Variants in GPBP1 observed in about 807,000 individuals in gnomAD.
GPBP1 encodes vasculin.
Under a neutral mutation model 56.5 loss-of-function variants are expected in GPBP1, and 13 were observed. That is an observed-to-expected ratio of 0.23 (90% CI 0.15 to 0.37). The LOEUF is 0.37. Ranked by LOEUF, GPBP1 falls within the 10% of genes least tolerant of loss-of-function variation. The pLI is 1.00. For missense variants in GPBP1, 477 were observed against 572.3 expected (o/e 0.83, Z 1.70); for synonymous variants, 204 against 188.9 (o/e 1.08, Z -0.66).
chr5:57,179,701 G>A (rs1334207700), intron 2 of GPBP1, among the ~76,000 whole-genome samples: 2 of 152,058 alleles, frequency 1.3e-5, no homozygotes, highest in Non-Finnish European at 2.9e-5. Context: ...CGGTTCAAGC[G>A]ATTCTCCTGC....
intron 2 of GPBP1, among the ~76,000 whole-genome samples, chr5:57,194,387 T>A (rs1754658746): frequency 6.6e-6 from 1 of 152,128 alleles, no homozygotes; most frequent in Admixed American, 6.5e-5. Context: ...GTGTAAAAAA[T>A]ATATATATAT....
Position 57,175,915 on chromosome 5 carries a change from G to T in GPBP1, c.-543G>T. The stretch of plus-strand genomic sequence containing the variant: ...CATGTCACAATGGGACACTTTTTCT[G>T]AATGAAGAGATTGAAAGAATACAGA... On this transcript the variant is annotated 5_prime_UTR_variant, in exon 2 of 12. An upstream open reading frame in the 5' UTR gains an earlier in-frame stop. Transcript: ENST00000506184. The T allele has an allele frequency of 2.5e-6, 1 of 398,416 alleles. No homozygotes were observed. Among genetic ancestry groups the T allele is most frequent in the South Asian group, 1.3e-4 (1 of 7,820 alleles). The allele number at this position is 398,416 out of a possible 1,614,324, so 24.7% of individuals were successfully genotyped here.
intron 2 of GPBP1, among the ~76,000 whole-genome samples, chr5:57,202,601 T>A (rs904504384): frequency 8.6e-5 from 13 of 151,912 alleles, no homozygotes; most frequent in African/African-American, 1.9e-4. Context: ...ATTTTTTTTT[T>A]AAAAAGCTTA....
chr5:57,211,645 G>T (rs557339058), intron 2 of GPBP1, among the ~76,000 whole-genome samples: 25 of 152,102 alleles, frequency 1.6e-4, no homozygotes, highest in African/African-American at 5.8e-4. Context: ...GTGCAATGGC[G>T]CGATCTCTGC....
At position 57,258,635 on chromosome 5, in the gene GPBP1, G is replaced by A. The variant is rs772829074; in HGVS notation, c.1161-2545G>A. On this transcript the variant is annotated intron_variant, in intron 10 of 11. Coordinates refer to ENST00000506184, the MANE Select transcript of GPBP1 (RefSeq NM_022913.4). ...TAGGGGGGAAAGGGAAACACAGATT[G>A]TTTTTATTTTTTCTTATTTTTCTTT... is the stretch of plus-strand genomic sequence containing the variant. Among the ~76,000 whole-genome samples the A allele has an allele frequency of 3.9e-5, 6 of 152,084 alleles. 1 individual carries two copies. The highest frequency in any genetic ancestry group is 8.8e-5 in the Non-Finnish European group (6 of 67,982).
At chr5:57,231,824 ACTC>A (rs1289588002) in intron 5 of GPBP1, among the ~76,000 whole-genome samples, 44 of 152,036 alleles carry the variant, frequency 2.9e-4, no homozygotes, top group Admixed American at 2.9e-3. Context: ...CAAAGCCCTT[ACTC>A]TTACCAAGTT....
chr5:57,238,402 TAAAG>T (rs1740637408), intron 6 of GPBP1, among the ~76,000 whole-genome samples: 1 of 151,924 alleles, frequency 6.6e-6, no homozygotes, highest in Non-Finnish European at 1.5e-5. Context: ...CTACTAAAAA[TAAAG>T]AATTAGCCGG....
At chr5:57,243,391 A>G (rs1740924689) in intron 6 of GPBP1, among the ~76,000 whole-genome samples, 1 of 151,914 alleles carries the variant, frequency 6.6e-6, no homozygotes, top group South Asian at 2.1e-4. Flanking sequence ...TAAGCACAAT[A>G]ACGGTATATC....
chr5:57,250,108 T>C (rs1216026905), intron 9 of GPBP1, among the ~76,000 whole-genome samples: 2 of 147,352 alleles, frequency 1.4e-5, no homozygotes, highest in Admixed American at 1.4e-4. Context: ...TCCTGGTAGC[T>C]GGGACTATAT....
chr5:57,192,919 T>C (rs1325417411), intron 2 of GPBP1, among the ~76,000 whole-genome samples: 1 of 152,182 alleles, frequency 6.6e-6, no homozygotes, highest in African/African-American at 2.4e-5. Flanking sequence ...TTGGGAACTT[T>C]AAAATGGACT....
rs902634662 is a variant in GPBP1 at position 57,263,622 on chromosome 5, T to A, written c.*870T>A. 3 of 152,210 alleles carry A rather than the reference T, an allele frequency of 2.0e-5. No individual in the cohort carries two copies. Among genetic ancestry groups the A allele is most frequent in the Admixed American group, 6.5e-5 (1 of 15,276 alleles). 9.4% of individuals were successfully genotyped at this position (152,210 alleles called of 1,614,324 possible). On this transcript the variant is annotated 3_prime_UTR_variant, in exon 12 of 12. Coordinates refer to ENST00000506184, the MANE Select transcript of GPBP1 (RefSeq NM_022913.4). ...TCTGTAGTGTTCAAGGTATTGTTTC[T>A]AAACATAAACATACTCTAAACATGC...
intron 3 of GPBP1, among the ~76,000 whole-genome samples, chr5:57,218,913 G>A (rs750966351): frequency 2.0e-5 from 3 of 152,200 alleles, no homozygotes; most frequent in African/African-American, 4.8e-5. Context: ...ATGGATCTTA[G>A]TGATCATCTA....
At chr5:57,254,963 A>G (rs1319989956) in intron 10 of GPBP1, among the ~76,000 whole-genome samples, 1 of 152,240 alleles carries the variant, frequency 6.6e-6, no homozygotes, top group Non-Finnish European at 1.5e-5. Context: ...CTTGTGACTA[A>G]CAGGCTTGAG....
At chr5:57,186,858 G>A (rs913967409) in intron 2 of GPBP1, among the ~76,000 whole-genome samples, 2 of 151,984 alleles carry the variant, frequency 1.3e-5, no homozygotes, top group African/African-American at 2.4e-5. Flanking sequence ...GGCGAGAGCC[G>A]CTGTGACCAC....
rs528395474 is a variant in GPBP1, at chr5:57,224,231, G to A, written c.64-6615G>A. Among the ~76,000 whole-genome samples, 110 of 151,014 alleles carry A rather than the reference G, an allele frequency of 7.3e-4. 1 individual carries two copies. Among genetic ancestry groups the A allele is most frequent in the Non-Finnish European group, 1.2e-3 (80 of 67,818 alleles). ...GCGTGATCATAGCTTGGTGCAACCTGGAACTCCTGATCCTCTTTTTTTTTT... is the reference window on the plus strand; with the variant it reads ...GCGTGATCATAGCTTGGTGCAACCTAGAACTCCTGATCCTCTTTTTTTTTT... On this transcript the variant is annotated intron_variant, in intron 3 of 11. Coordinates refer to ENST00000506184, the MANE Select transcript of GPBP1 (RefSeq NM_022913.4).
At chr5:57,239,488 C>T (rs777400513) in intron 6 of GPBP1, among the ~76,000 whole-genome samples, 5 of 152,210 alleles carry the variant, frequency 3.3e-5, no homozygotes, top group African/African-American at 7.2e-5. Context: ...AAAATAAAGA[C>T]GTTAAAAACC....
chr5:57,219,825 G>C (rs563281092), intron 3 of GPBP1, among the ~76,000 whole-genome samples: 1 of 152,254 alleles, frequency 6.6e-6, no homozygotes, highest in East Asian at 1.9e-4. Flanking sequence ...GGCCGAAGCA[G>C]GGGGATCACC....
At chr5:57,245,375 G>C (rs548035433) in intron 6 of GPBP1, 2 of 152,288 alleles carry the variant, frequency 1.3e-5, no homozygotes, top group South Asian at 4.1e-4. Context: ...GTTTCCCTAG[G>C]AGTCCATATT....
intron 2 of GPBP1, among the ~76,000 whole-genome samples, chr5:57,186,412 T>C (rs2111606257): frequency 6.6e-6 from 1 of 152,142 alleles, no homozygotes; most frequent in South Asian, 2.1e-4. Context: ...AATTTTTTTT[T>C]CTTTCATGGT....
Sources: gnomAD v4.1 joint callset for allele counts (sites outside exome capture counted in the v4.1 genomes callset) on GRCh38, gnomAD v4.1.1 for gene constraint, MANE v1.5 for transcripts, NCBI Gene and HGNC (gene_info 2026-07-23, HGNC 2026-07-21) for gene names.